SCLT1: variants seen among roughly 807,000 people sequenced by gnomAD.
SCLT1 encodes the protein sodium channel-associated protein 1.
Under a neutral mutation model 112.8 loss-of-function variants are expected in SCLT1, and 78 were observed. That is an observed-to-expected ratio of 0.69 (90% CI 0.58 to 0.83). The LOEUF (loss-of-function observed/expected upper bound fraction) is 0.83, where lower values mean the gene tolerates loss of function less well. SCLT1 is among the 40% of genes least tolerant of loss of function. The pLI, the probability that SCLT1 is intolerant of heterozygous loss-of-function variation, is 0.00. For missense variants in SCLT1, 747 were observed against 770.4 expected (o/e 0.97, Z 0.36); for synonymous variants, 257 against 254.7 (o/e 1.01, Z -0.09).
Position 128,975,040 on chromosome 4 carries a change from C to CTTTTTT in SCLT1, c.687-4578_687-4573dup, listed in dbSNP as rs34603915. 7.3e-3 allele frequency among the ~76,000 whole-genome samples: 631 copies of CTTTTTT among 87,012 alleles called. 123 individuals are homozygous for CTTTTTT. Among genetic ancestry groups the CTTTTTT allele is most frequent in the African/African-American group, 0.025 (469 of 18,490 alleles). 57.1% of individuals were successfully genotyped at this position (87,012 alleles called of 152,430 possible). On this transcript the variant is annotated intron_variant, in intron 9 of 20. Transcript: ENST00000281142. ...GATATTAAACAGATTTGAATGACAA[C>CTTTTTT]TTTTTTTTTTTTTTTTGAGATGGAG... is the stretch of plus-strand genomic sequence containing the variant.
In SCLT1 at chr4:128,924,566, CT is replaced by C. The variant is rs1176517040; in HGVS notation, c.1829+12088del. Among the ~76,000 whole-genome samples, 10 of 152,120 alleles carry C rather than the reference CT, an allele frequency of 6.6e-5. No individual in the cohort carries two copies. In the South Asian group the frequency reaches 1.5e-3, roughly 22 times the overall value. On this transcript the variant is annotated intron_variant, in intron 18 of 20. Coordinates refer to ENST00000281142, the MANE Select transcript of SCLT1 (RefSeq NM_144643.4). ...GGATTACAGGCATGAGCCACTGCCCCTGGCCAGAAGTTTTTAATTTAATATA... is the reference window on the plus strand; with the variant it reads ...GGATTACAGGCATGAGCCACTGCCCCGGCCAGAAGTTTTTAATTTAATATA...
intron 1 of SCLT1, among the ~76,000 whole-genome samples, chr4:129,085,879 G>A (rs578258440): frequency 1.3e-5 from 2 of 152,252 alleles, no homozygotes; most frequent in South Asian, 4.1e-4. Context: ...GGAGGAGGGA[G>A]AGGATCAGGA....
rs1361910062 is a variant in SCLT1 at position 128,953,966 on chromosome 4, T to C, written c.1147-1126A>G. 5.3e-5 allele frequency among the ~76,000 whole-genome samples: 8 copies of C among 152,260 alleles called. No homozygotes were observed. In the East Asian group the frequency reaches 1.5e-3, roughly 29 times the overall value. ...ATTTAATAAGTAACATTTAATAAAA[T>C]TTAATTAACATTTAAATATCTTCAG... On this transcript the variant is annotated intron_variant, in intron 13 of 20. Coordinates refer to ENST00000281142, the MANE Select transcript of SCLT1 (RefSeq NM_144643.4).
At chr4:129,074,887 A>C (rs971405074) in intron 2 of SCLT1, among the ~76,000 whole-genome samples, 7 of 152,056 alleles carry the variant, frequency 4.6e-5, no homozygotes, top group Non-Finnish European at 7.4e-5. Context: ...CTTTTTATAG[A>C]GATGGGGTCT....
chr4:129,018,710 T>C (rs965013470), intron 5 of SCLT1, among the ~76,000 whole-genome samples: 5 of 152,142 alleles, frequency 3.3e-5, no homozygotes, highest in African/African-American at 1.2e-4. Context: ...AATTAAAAAA[T>C]AAATTTACAT....
At chr4:128,987,403 A>T (rs1297129627) in intron 9 of SCLT1, among the ~76,000 whole-genome samples, 2 of 152,236 alleles carry the variant, frequency 1.3e-5, no homozygotes, top group Non-Finnish European at 2.9e-5. Context: ...CATTTCACAC[A>T]AGGAATTCAA....
At chr4:129,055,832 C>A (rs979610275) in intron 2 of SCLT1, among the ~76,000 whole-genome samples, 81 of 149,258 alleles carry the variant, frequency 5.4e-4, no homozygotes, top group Middle Eastern at 3.5e-3. Context: ...AAAAAAAAAA[C>A]AAAAACAAAC....
chr4:128,984,215 A>G (rs531413029), intron 9 of SCLT1, among the ~76,000 whole-genome samples: 1 of 152,314 alleles, frequency 6.6e-6, no homozygotes, highest in African/African-American at 2.4e-5. Context: ...CACTAAATGA[A>G]TCTTCCAGGC....
At chr4:128,970,616 T>C (rs1248844447) in intron 9 of SCLT1, 148 bp from the exon 10 acceptor site, 3 of 599,662 alleles carry the variant, frequency 5.0e-6, no homozygotes, top group Non-Finnish European at 8.8e-6. Context: ...GATTCCTTTA[T>C]TACTAATGAA....
At chr4:128,899,204 T>A (rs1734054539) in intron 18 of SCLT1, among the ~76,000 whole-genome samples, 1 of 152,124 alleles carries the variant, frequency 6.6e-6, no homozygotes, top group African/African-American at 2.4e-5. Context: ...TACCAAAGCC[T>A]GGCAGAGACA....
At chr4:129,076,028 C>A (rs1201469143) in intron 2 of SCLT1, among the ~76,000 whole-genome samples, 1 of 152,070 alleles carries the variant, frequency 6.6e-6, no homozygotes, top group Non-Finnish European at 1.5e-5. Flanking sequence ...TCTTCTATGA[C>A]CTTTCTATCA....
intron 2 of SCLT1, among the ~76,000 whole-genome samples, chr4:129,049,679 T>C (rs1748571318): frequency 6.6e-6 from 1 of 151,572 alleles, no homozygotes; most frequent in Non-Finnish European, 1.5e-5. Context: ...GGATATACAG[T>C]TTTTCCAGCA....
chr4:129,083,186 G>GAAAAAAAAAAAAAAAAAAAAAAAAAAA (rs10651058), intron 1 of SCLT1, among the ~76,000 whole-genome samples: 1 of 84,538 alleles, frequency 1.2e-5, no homozygotes, highest in Non-Finnish European at 2.1e-5. Context: ...GTGAGACTCT[G>GAAAAAAAAAAAAAAAAAAAAAAAAAAA]AAAAAAAAAA....
At chr4:129,027,521 G>A (rs1746231704) in intron 5 of SCLT1, among the ~76,000 whole-genome samples, 4 of 152,220 alleles carry the variant, frequency 2.6e-5, no homozygotes, top group East Asian at 3.9e-4. Context: ...TTGATGGGAC[G>A]TATCTCAAAA....
intron 2 of SCLT1, among the ~76,000 whole-genome samples, chr4:129,071,847 T>C (rs1250900642): frequency 6.6e-6 from 1 of 152,180 alleles, no homozygotes; most frequent in Non-Finnish European, 1.5e-5. Flanking sequence ...ATGCTCTCTG[T>C]TGCCAGTGTA....
chr4:129,071,638 C>A (rs922817496), intron 2 of SCLT1, among the ~76,000 whole-genome samples: 2 of 151,958 alleles, frequency 1.3e-5, no homozygotes, highest in Non-Finnish European at 2.9e-5. Context: ...TTTTGGTGCC[C>A]ATTTGCATGA....
At chr4:128,959,325 T>A (rs930877776) in intron 12 of SCLT1, among the ~76,000 whole-genome samples, 4 of 151,928 alleles carry the variant, frequency 2.6e-5, no homozygotes, top group African/African-American at 9.7e-5. Flanking sequence ...TTTTTTTTTT[T>A]AAGTATGAGA....
At chr4:129,069,545 G>A (rs1286390188) in intron 2 of SCLT1, among the ~76,000 whole-genome samples, 2 of 152,016 alleles carry the variant, frequency 1.3e-5, no homozygotes, top group Admixed American at 1.3e-4. Context: ...TCAAGTTCTT[G>A]ATTTGATTCT....
In SCLT1 at chr4:128,965,296, T is replaced by G. The variant is rs371314339; in HGVS notation, c.800A>C (p.His267Pro). Residue 267 changes from histidine to proline, a missense_variant, in exon 11 of 21, where the codon CAT becomes CCT. Coordinates refer to ENST00000281142, the MANE Select transcript of SCLT1 (RefSeq NM_144643.4). The stretch of plus-strand genomic sequence containing the variant: ...CCTATCTGATGCTTCCTCTCTTCCA[T>G]GGGCAGACACCACATCCTTCTCCTA... ...KKKEKDVVSA[H>P]GREEASDRRL... is the part of the protein sequence containing the mutation. 6.2e-7 allele frequency: 1 copy of G among 1,608,950 alleles called. No homozygotes were observed. The highest frequency in any genetic ancestry group is 1.7e-5 in the Admixed American group (1 of 59,942).
Sources: gnomAD v4.1 joint callset for allele counts (sites outside exome capture counted in the v4.1 genomes callset) on GRCh38, gnomAD v4.1.1 for gene constraint, MANE v1.5 for transcripts, NCBI Gene and HGNC (gene_info 2026-07-23, HGNC 2026-07-21) for gene names.